Variants in DMD observed in about 807,000 individuals in gnomAD.
DMD encodes the protein mutant dystrophin.
In DMD, 63 loss-of-function variants were observed where a neutral mutation model predicts 330.1. The observed-to-expected ratio is 0.19, with a 90% CI of 0.16 to 0.24. DMD has a LOEUF of 0.24. Ranked by LOEUF, DMD falls within the 10% of genes least tolerant of loss-of-function variation. The pLI, the probability that DMD is intolerant of heterozygous loss-of-function variation, is 1.00. For missense variants in DMD, 3,344 were observed against 2,684.1 expected (o/e 1.25, Z -5.43); for synonymous variants, 1,223 against 959.8 (o/e 1.27, Z -5.07).
intron 44 of DMD, among the ~76,000 whole-genome samples, chrX:32,016,419 T>C (rs2095760721): frequency 8.9e-6 from 1 of 111,847 alleles, no homozygotes; most frequent in Non-Finnish European, 1.9e-5. Flanking sequence ...ATTTCCGTCA[T>C]GGTACTCATT....
intron 2 of DMD, among the ~76,000 whole-genome samples, chrX:32,925,749 C>T (rs1406175515): frequency 9.0e-6 from 1 of 111,627 alleles, no homozygotes; most frequent in Non-Finnish European, 1.9e-5. Context: ...AACTACTAAA[C>T]GTTATAATCT....
intron 73 of DMD, among the ~76,000 whole-genome samples, chrX:31,171,374 G>C (rs771903660): frequency 2.7e-5 from 3 of 111,467 alleles, no homozygotes; most frequent in Non-Finnish European, 5.7e-5. Flanking sequence ...CCTTATGAAG[G>C]TTCTTTTCTC....
chrX:32,346,518 A>C (rs1288079320), intron 38 of DMD, among the ~76,000 whole-genome samples: 1 of 111,675 alleles, frequency 9.0e-6, no homozygotes, highest in Non-Finnish European at 1.9e-5. Context: ...TGAAAATATT[A>C]ACACACAACT....
At chrX:32,063,388 C>G (rs1207568965) in intron 44 of DMD, among the ~76,000 whole-genome samples, 2 of 111,267 alleles carry the variant, frequency 1.8e-5, no homozygotes, top group African/African-American at 6.5e-5. Flanking sequence ...CTGGAAGCTA[C>G]AGTTGAAGTC....
At chrX:31,204,205 C>T in intron 66 of DMD, 87 bp from the exon 67 acceptor site, 1 of 857,731 alleles carries the variant, frequency 1.2e-6, no homozygotes, top group Non-Finnish European at 1.7e-6. Flanking sequence ...ATTCCAGTAG[C>T]AATTCTCAAG....
intron 7 of DMD, among the ~76,000 whole-genome samples, chrX:32,785,976 A>T (rs1286773454): frequency 9.1e-6 from 1 of 110,124 alleles, no homozygotes; most frequent in Non-Finnish European, 1.9e-5. Flanking sequence ...CTCTTTTCAG[A>T]GTCCCTTTGA....
chrX:32,277,768 A>G (rs1199044871), intron 43 of DMD, among the ~76,000 whole-genome samples: 1 of 111,181 alleles, frequency 9.0e-6, no homozygotes, highest in Non-Finnish European at 1.9e-5. Context: ...TCTTCAAAAA[A>G]TGAAAGAAAA....
intron 1 of DMD, among the ~76,000 whole-genome samples, chrX:33,142,635 C>T (rs763604748): frequency 2.7e-5 from 3 of 112,123 alleles, no homozygotes; most frequent in African/African-American, 9.7e-5. Flanking sequence ...ATGAAAGTGA[C>T]AGGCTCTGTA....
chrX:33,264,667 C>T (rs191006913), intron 1 of DMD, among the ~76,000 whole-genome samples: 3 of 110,485 alleles, frequency 2.7e-5, no homozygotes, highest in Non-Finnish European at 5.7e-5. Context: ...AGAATTTTCT[C>T]CTTCGTTATG....
chrX:32,526,032 CATA>C (rs1408279067), intron 17 of DMD, among the ~76,000 whole-genome samples: 1 of 111,506 alleles, frequency 9.0e-6, no homozygotes, highest in Non-Finnish European at 1.9e-5. Context: ...ATAAGTTGCT[CATA>C]ATGTGTCCCT....
chrX:31,128,422 C>G (rs1052263479), intron 77 of DMD, among the ~76,000 whole-genome samples: 1 of 111,903 alleles, frequency 8.9e-6, no homozygotes, highest in African/African-American at 3.2e-5. Flanking sequence ...CACTGGCACA[C>G]TTTAGTTTGG....
chrX:32,988,811 C>A lies in DMD; in HGVS notation c.93+31328G>T, dbSNP rs1483149716. ...GGTTCTCATGGAAATCAAACATTAC[C>A]TTTTTGTAATAAAATCAGTGTTTCA... On this transcript the variant is annotated intron_variant, in intron 2 of 78. Coordinates refer to ENST00000357033, the MANE Select transcript of DMD (RefSeq NM_004006.3). Among the ~76,000 whole-genome samples the A allele has an allele frequency of 3.6e-5, 4 of 111,277 alleles. No individual in the cohort carries two copies. The Admixed American group carries it at 3.8e-4, about 11-fold the overall frequency.
intron 55 of DMD, among the ~76,000 whole-genome samples, chrX:31,545,131 CGTT>C (rs1241657659): frequency 8.9e-6 from 1 of 111,781 alleles, no homozygotes; most frequent in African/African-American, 3.3e-5. Flanking sequence ...TGTAAAATAT[CGTT>C]GTTCCATGGA....
chrX:31,669,924 T>C (rs979008169), intron 53 of DMD, among the ~76,000 whole-genome samples: 2 of 110,550 alleles, frequency 1.8e-5, no homozygotes, highest in Non-Finnish European at 3.8e-5. Context: ...GATATCTTAA[T>C]AATATTAAGT....
At chrX:32,201,480 C>A (rs1009596589) in intron 44 of DMD, among the ~76,000 whole-genome samples, 4 of 95,658 alleles carry the variant, frequency 4.2e-5, no homozygotes, top group Admixed American at 1.1e-4. Flanking sequence ...CCCCCCCCCC[C>A]CCCAACAAGG....
chrX:33,032,634 A>G (rs1345960921), intron 1 of DMD, among the ~76,000 whole-genome samples: 1 of 112,460 alleles, frequency 8.9e-6, no homozygotes, highest in Non-Finnish European at 1.9e-5. Context: ...TCTCCTTACC[A>G]TACCATTCAA....
At chrX:32,597,720 G>T (rs2055726165) in intron 12 of DMD, among the ~76,000 whole-genome samples, 1 of 111,391 alleles carries the variant, frequency 9.0e-6, no homozygotes, top group Admixed American at 9.5e-5. Flanking sequence ...GATGAACAGG[G>T]GTAAACACAG....
chrX:32,348,809 G>T (rs1216144416), intron 37 of DMD, among the ~76,000 whole-genome samples: 1 of 111,003 alleles, frequency 9.0e-6, no homozygotes, highest in African/African-American at 3.3e-5. Flanking sequence ...ACATTTGAAT[G>T]GGCTAATTTT....
At chrX:32,363,967 G>A (rs191469121) in intron 36 of DMD, among the ~76,000 whole-genome samples, 1,679 of 111,492 alleles carry the variant, frequency 0.015, 11 homozygotes, top group Non-Finnish European at 0.025. Context: ...GTATATTTGC[G>A]TATTACACCT....
Sources: gnomAD v4.1 joint callset for allele counts (sites outside exome capture counted in the v4.1 genomes callset) on GRCh38, gnomAD v4.1.1 for gene constraint, MANE v1.5 for transcripts, NCBI Gene and HGNC (gene_info 2026-07-23, HGNC 2026-07-21) for gene names.